CLMP: variants seen among roughly 807,000 people sequenced by gnomAD.
CLMP encodes CXADR-like membrane protein.
A neutral mutation model predicts 45.2 loss-of-function variants in CLMP; 27 were observed. The observed-to-expected ratio is 0.60, with a 90% CI of 0.44 to 0.82. The LOEUF is 0.82. CLMP is among the 40% of genes least tolerant of loss of function. CLMP has a pLI of 0.00. For synonymous variants in CLMP, 167 were observed against 171.4 expected (o/e 0.97, Z 0.20); for missense variants, 403 against 448.4 (o/e 0.90, Z 0.91).
intron 1 of CLMP, among the ~76,000 whole-genome samples, chr11:123,125,465 TCC>T (rs1860875171): frequency 2.8e-5 from 1 of 35,712 alleles, no homozygotes. Flanking sequence ...CCTCCCTCCC[TCC>T]TCCCTCCCTC....
chr11:123,190,021 A>AAACAAAGC (rs1349213253), intron 1 of CLMP, among the ~76,000 whole-genome samples: 1 of 149,682 alleles, frequency 6.7e-6, no homozygotes, highest in Non-Finnish European at 1.5e-5. Context: ...AAAAAAAAAA[A>AAACAAAGC]AACAAAGCTC....
chr11:123,146,043 G>A (rs1277688831), intron 1 of CLMP, among the ~76,000 whole-genome samples: 1 of 152,216 alleles, frequency 6.6e-6, no homozygotes, highest in Admixed American at 6.5e-5. Context: ...CCAGCTGTGT[G>A]CACCATGGCT....
chr11:123,159,400 G>A (rs1861456173), intron 1 of CLMP, among the ~76,000 whole-genome samples: 2 of 152,182 alleles, frequency 1.3e-5, no homozygotes, highest in Non-Finnish European at 2.9e-5. Context: ...AGGTGCGGTG[G>A]GTGAGGAGGC....
At chr11:123,165,192 T>C (rs2135536351) in intron 1 of CLMP, among the ~76,000 whole-genome samples, 1 of 152,304 alleles carries the variant, frequency 6.6e-6, no homozygotes, top group African/African-American at 2.4e-5. Flanking sequence ...TGCCCTCTGA[T>C]GACAAGGCAT....
chr11:123,152,812 T>C (rs1226365529), intron 1 of CLMP, among the ~76,000 whole-genome samples: 2 of 152,122 alleles, frequency 1.3e-5, no homozygotes, highest in African/African-American at 4.8e-5. Context: ...CCTTGCCACT[T>C]TTTCCCTTTG....
chr11:123,119,169 C>T (rs184677922), intron 1 of CLMP, among the ~76,000 whole-genome samples: 3,258 of 150,786 alleles, frequency 0.022, 127 homozygotes, highest in African/African-American at 0.075. Context: ...CCACAACCTC[C>T]ACCTCCCGGG....
rs1591445823 is a variant in CLMP, at chr11:123,072,281, C to T, written c.*1193G>A. The stretch of plus-strand genomic sequence containing the variant: ...AATGGAGGAAGTTCCAAGTGTGGTA[C>T]AATACTGAACTTCCTTTTATCCTTC... On this transcript the variant is annotated 3_prime_UTR_variant, in exon 7 of 7. Coordinates refer to ENST00000448775, the MANE Select transcript of CLMP (RefSeq NM_024769.5). 6.6e-6 allele frequency: 1 copy of T among 150,890 alleles called. No homozygotes were observed. The highest frequency in any genetic ancestry group is 1.5e-5 in the Non-Finnish European group (1 of 67,812). The allele number at this position is 150,890 out of a possible 1,614,324, so 9.3% of individuals were successfully genotyped here.
intron 1 of CLMP, among the ~76,000 whole-genome samples, chr11:123,169,098 G>C (rs564672054): frequency 2.2e-3 from 338 of 152,300 alleles, no homozygotes; most frequent in Non-Finnish European, 3.6e-3. Flanking sequence ...TCAGGTCCCT[G>C]CTGGGGAATC....
intron 2 of CLMP, among the ~76,000 whole-genome samples, chr11:123,094,634 T>C (rs748621413): frequency 1.3e-5 from 2 of 152,266 alleles, no homozygotes; most frequent in East Asian, 1.9e-4. Flanking sequence ...TGGCCTCAAG[T>C]AGTCCTCCCA....
At chr11:123,177,468 C>T (rs916326195) in intron 1 of CLMP, among the ~76,000 whole-genome samples, 8 of 152,066 alleles carry the variant, frequency 5.3e-5, no homozygotes, top group Non-Finnish European at 1.2e-4. Flanking sequence ...TCTTTCAGCC[C>T]CAAGGACTTA....
At chr11:123,125,111 G>A (rs75239147) in intron 1 of CLMP, among the ~76,000 whole-genome samples, 13,805 of 152,048 alleles carry the variant, frequency 0.091, 981 homozygotes, top group African/African-American at 0.2. Flanking sequence ...TTGCCTAGAT[G>A]GGTCTTGAAC....
chr11:123,164,180 C>A (rs555071143), intron 1 of CLMP, among the ~76,000 whole-genome samples: 1 of 152,154 alleles, frequency 6.6e-6, no homozygotes, highest in African/African-American at 2.4e-5. Flanking sequence ...TACCCCCATT[C>A]GTATCATATA....
chr11:123,102,577 C>A (rs1860465168), intron 1 of CLMP, among the ~76,000 whole-genome samples: 1 of 145,434 alleles, frequency 6.9e-6, no homozygotes, highest in Admixed American at 7.0e-5. Context: ...CCGTGCCCAG[C>A]CAGGTTTTTT....
intron 1 of CLMP, among the ~76,000 whole-genome samples, chr11:123,160,686 T>C (rs1467124270): frequency 1.3e-5 from 2 of 151,908 alleles, no homozygotes; most frequent in Non-Finnish European, 2.9e-5. Context: ...TTCAAAGAAG[T>C]TGACAAGGGG....
intron 1 of CLMP, among the ~76,000 whole-genome samples, chr11:123,150,353 G>C (rs1861296405): frequency 6.7e-6 from 1 of 148,618 alleles, no homozygotes; most frequent in African/African-American, 2.5e-5. Context: ...GAAAGGTGTG[G>C]GGGTTTGACA....
At chr11:123,145,970 G>T (rs567625916) in intron 1 of CLMP, among the ~76,000 whole-genome samples, 30 of 152,314 alleles carry the variant, frequency 2.0e-4, no homozygotes, top group African/African-American at 7.0e-4. Context: ...GCGGGGTCTG[G>T]GCCTGCGCAG....
At chr11:123,126,799 A>G (rs1263790724) in intron 1 of CLMP, among the ~76,000 whole-genome samples, 1 of 152,012 alleles carries the variant, frequency 6.6e-6, no homozygotes, top group Non-Finnish European at 1.5e-5. Context: ...TGGGAGACTC[A>G]GGCAGGAGAA....
intron 2 of CLMP, among the ~76,000 whole-genome samples, chr11:123,093,613 A>T (rs1484222692): frequency 6.6e-6 from 1 of 151,722 alleles, no homozygotes; most frequent in Non-Finnish European, 1.5e-5. Flanking sequence ...TGCTAGTATT[A>T]TACTTTGGGC....
At chr11:123,113,332 A>G (rs1860668603) in intron 1 of CLMP, among the ~76,000 whole-genome samples, 1 of 152,218 alleles carries the variant, frequency 6.6e-6, no homozygotes. Flanking sequence ...AGAGATCACA[A>G]TCAAATAGAG....
Sources: allele counts gnomAD v4.1 joint callset (sites outside exome capture counted in the v4.1 genomes callset), GRCh38; gene constraint gnomAD v4.1.1; transcripts MANE v1.5; gene names NCBI Gene and HGNC (gene_info 2026-07-23, HGNC 2026-07-21).